Variants in DCLK1 observed in about 807,000 individuals in gnomAD.
DCLK1 encodes the protein serine/threonine-protein kinase DCLK1.
Under a neutral mutation model 86.2 loss-of-function variants are expected in DCLK1, and 16 were observed. The observed-to-expected ratio is 0.19, with a 90% CI of 0.13 to 0.28. The LOEUF is 0.28. Among genes scored for constraint, DCLK1 ranks in the 10% least tolerant of loss-of-function variants. The pLI is 1.00. For synonymous variants in DCLK1, 369 were observed against 370.5 expected (o/e 1.00, Z 0.05); for missense variants, 590 against 940.2 (o/e 0.63, Z 4.87).
intron 3 of DCLK1, among the ~76,000 whole-genome samples, chr13:36,029,921 T>C (rs930748944): frequency 6.6e-6 from 1 of 152,174 alleles, no homozygotes; most frequent in African/African-American, 2.4e-5. Flanking sequence ...ACAATAACCC[T>C]GGGAAGCAAA....
chr13:36,102,743 T>A (rs771716395), intron 3 of DCLK1, among the ~76,000 whole-genome samples: 20 of 152,226 alleles, frequency 1.3e-4, no homozygotes, highest in Non-Finnish European at 2.5e-4. Context: ...AGATGGAGTC[T>A]GAGATAATTT....
At chr13:35,979,037 A>G (rs1187670464) in intron 3 of DCLK1, among the ~76,000 whole-genome samples, 1 of 152,304 alleles carries the variant, frequency 6.6e-6, no homozygotes, top group South Asian at 2.1e-4. Flanking sequence ...CTTTATTTTT[A>G]AAATGAGAAA....
chr13:35,946,205 T>C (rs967926416), intron 4 of DCLK1, among the ~76,000 whole-genome samples: 1 of 152,116 alleles, frequency 6.6e-6, no homozygotes, highest in Non-Finnish European at 1.5e-5. Flanking sequence ...GGTTTCGCCA[T>C]GTTGCCCAGG....
At chr13:35,863,607 C>G (rs17181606) in intron 5 of DCLK1, among the ~76,000 whole-genome samples, 16,235 of 152,238 alleles carry the variant, frequency 0.11, 1,119 homozygotes, top group Middle Eastern at 0.18. Context: ...AATCACCAAC[C>G]TCTCGATTTT....
intron 4 of DCLK1, among the ~76,000 whole-genome samples, chr13:35,887,453 C>T (rs1012111249): frequency 4.6e-5 from 7 of 152,282 alleles, no homozygotes; most frequent in South Asian, 2.1e-4. Flanking sequence ...TTTCTGGCTG[C>T]GTGATCTGGT....
At position 36,126,151 on chromosome 13, in the gene DCLK1, T is replaced by A. The variant is rs147116553; in HGVS notation, c.-14A>T. 1 of 1,564,974 alleles carries A rather than the reference T, an allele frequency of 6.4e-7. No individual in the cohort carries two copies. Among genetic ancestry groups the A allele is most frequent in the South Asian group, 1.2e-5 (1 of 84,634 alleles). Reference sequence around the variant, plus strand: ...GCCGAAGGACATGATGGACTTCAAGTAGGACCTACGAGCCCCAGAAACAAA... The same window carrying A: ...GCCGAAGGACATGATGGACTTCAAGAAGGACCTACGAGCCCCAGAAACAAA... On this transcript the variant is annotated 5_prime_UTR_variant, in exon 2 of 17. Coordinates refer to ENST00000360631, the MANE Select transcript of DCLK1 (RefSeq NM_001330071.2).
intron 5 of DCLK1, among the ~76,000 whole-genome samples, chr13:35,860,888 C>T (rs1010886951): frequency 2.6e-5 from 4 of 152,068 alleles, no homozygotes; most frequent in Non-Finnish European, 4.4e-5. Flanking sequence ...CTTTAGACAG[C>T]TGAAGAGACA....
At chr13:35,970,796 A>G (rs563186980) in intron 3 of DCLK1, among the ~76,000 whole-genome samples, 14 of 152,346 alleles carry the variant, frequency 9.2e-5, no homozygotes, top group Non-Finnish European at 1.3e-4. Context: ...GCATAAAATG[A>G]ACTAAGACAA....
intron 4 of DCLK1, among the ~76,000 whole-genome samples, chr13:35,896,187 C>G (rs1312454612): frequency 6.6e-6 from 1 of 152,064 alleles, no homozygotes; most frequent in Non-Finnish European, 1.5e-5. Flanking sequence ...TTCAGAGAGA[C>G]TTTGCTTAGA....
intron 15 of DCLK1, among the ~76,000 whole-genome samples, chr13:35,796,249 T>C (rs1166763651): frequency 6.6e-6 from 1 of 152,178 alleles, no homozygotes; most frequent in Non-Finnish European, 1.5e-5. Context: ...TCAAATGAGC[T>C]TTCAATGATG....
At chr13:35,967,042 C>A (rs1350461018) in intron 3 of DCLK1, among the ~76,000 whole-genome samples, 1 of 151,690 alleles carries the variant, frequency 6.6e-6, no homozygotes, top group Non-Finnish European at 1.5e-5. Flanking sequence ...TGGCCGTCAT[C>A]CCGTCTAGGA....
chr13:35,896,931 G>A (rs768062804), intron 4 of DCLK1, among the ~76,000 whole-genome samples: 1 of 152,100 alleles, frequency 6.6e-6, no homozygotes, highest in East Asian at 1.9e-4. Context: ...GAACACTTGC[G>A]GTGCACCTTA....
At position 36,080,916 on chromosome 13, in the gene DCLK1, A is replaced by G. The variant is rs138551912; in HGVS notation, c.723+30953T>C. On this transcript the variant is annotated intron_variant, in intron 3 of 16. Transcript: ENST00000360631. ...TTAATTGTCACAACTGGGGGAAGGG[A>G]GTAGGGCATTCTGTCATCTAGTGGG... 2.6e-3 allele frequency among the ~76,000 whole-genome samples: 398 copies of G among 152,234 alleles called. 1 individual carries two copies. The highest frequency in any genetic ancestry group is 9.0e-3 in the African/African-American group (374 of 41,558).
At chr13:35,972,116 G>T (rs1052233616) in intron 3 of DCLK1, among the ~76,000 whole-genome samples, 1 of 151,984 alleles carries the variant, frequency 6.6e-6, no homozygotes, top group Non-Finnish European at 1.5e-5. Context: ...CATTTCCGTG[G>T]CTCAGCACCA....
intron 3 of DCLK1, among the ~76,000 whole-genome samples, chr13:36,003,201 G>A (rs570828672): frequency 7.9e-5 from 12 of 152,342 alleles, no homozygotes; most frequent in Non-Finnish European, 1.5e-4. Context: ...GGCTCAGAAT[G>A]TTTCTGGGAC....
At chr13:35,917,268 T>C (rs1056678779) in intron 4 of DCLK1, among the ~76,000 whole-genome samples, 11 of 152,268 alleles carry the variant, frequency 7.2e-5, no homozygotes, top group African/African-American at 2.7e-4. Flanking sequence ...TCTCTTGTTA[T>C]AGGGGCCTCA....
At chr13:35,914,338 T>TATATATAC (rs1875253459) in intron 4 of DCLK1, among the ~76,000 whole-genome samples, 1 of 26,162 alleles carries the variant, frequency 3.8e-5, no homozygotes, top group Admixed American at 8.9e-4. Flanking sequence ...AAAAAATATA[T>TATATATAC]ATATATATAT....
chr13:35,971,861 A>G (rs1949497319), intron 3 of DCLK1, among the ~76,000 whole-genome samples: 1 of 151,748 alleles, frequency 6.6e-6, no homozygotes, highest in African/African-American at 2.4e-5. Context: ...CCATCCCTGG[A>G]CCTCGGTTGT....
At chr13:35,841,174 C>A (rs116681525) in intron 6 of DCLK1, among the ~76,000 whole-genome samples, 1 of 152,226 alleles carries the variant, frequency 6.6e-6, no homozygotes, top group South Asian at 2.1e-4. Context: ...TGTCACGTGG[C>A]GTTTTAAATT....
Sources: gnomAD v4.1 joint callset for allele counts (sites outside exome capture counted in the v4.1 genomes callset) on GRCh38, gnomAD v4.1.1 for gene constraint, MANE v1.5 for transcripts, NCBI Gene and HGNC (gene_info 2026-07-23, HGNC 2026-07-21) for gene names.